The following B3GLCT variants were observed in gnomAD, a reference collection of about 807,000 sequenced individuals.
The protein encoded by B3GLCT is beta-1,3-glucosyltransferase.
B3GLCT carries 65 observed loss-of-function variants against 63.4 expected under a neutral mutation model. The ratio of observed to expected loss-of-function variants is 1.03; its 90% CI spans 0.84 to 1.26. The LOEUF (loss-of-function observed/expected upper bound fraction) is 1.26, where lower values mean the gene tolerates loss of function less well. B3GLCT is among the 50% of genes most tolerant of loss of function. The pLI, the probability that B3GLCT is intolerant of heterozygous loss-of-function variation, is 0.00. For synonymous variants in B3GLCT, 233 were observed against 219.2 expected, an observed-to-expected ratio of 1.06 and a Z score of -0.55; for missense variants, 577 against 604.8, an observed-to-expected ratio of 0.95 and a Z score of 0.48.
rs972239204 is a variant in B3GLCT, at chr13:31,327,757, T to C, written c.1330-1744T>C. ...AAACTTTCCCAACTCTGTTAGACTG[T>C]ATTCCAGTGTGTATTTTTTGTCTGT... On this transcript the variant is annotated intron_variant, in intron 14 of 14. Transcript: ENST00000343307. Among the ~76,000 whole-genome samples, 14 of 152,400 alleles carry C rather than the reference T, an allele frequency of 9.2e-5. 1 individual carries two copies. The highest frequency in any genetic ancestry group is 2.9e-4 in the African/African-American group (12 of 41,604).
At chr13:31,246,398 T>C (rs1200196057) in intron 4 of B3GLCT, among the ~76,000 whole-genome samples, 3 of 152,236 alleles carry the variant, frequency 2.0e-5, no homozygotes, top group Non-Finnish European at 4.4e-5. Flanking sequence ...TTCTGAATTT[T>C]AGTTCCTCCT....
At chr13:31,299,948 A>G (rs890028837) in intron 12 of B3GLCT, among the ~76,000 whole-genome samples, 1 of 152,186 alleles carries the variant, frequency 6.6e-6, no homozygotes, top group Non-Finnish European at 1.5e-5. Flanking sequence ...GTAAAATCCT[A>G]AACACAAGTG....
At chr13:31,253,722 C>A (rs1368745698) in intron 6 of B3GLCT, among the ~76,000 whole-genome samples, 1 of 149,342 alleles carries the variant, frequency 6.7e-6, no homozygotes. Context: ...AAAAACCCTT[C>A]AAAAAAAATC....
chr13:31,289,458 A>T (rs2137885721), intron 12 of B3GLCT, among the ~76,000 whole-genome samples: 1 of 152,312 alleles, frequency 6.6e-6, no homozygotes, highest in East Asian at 1.9e-4. Context: ...TTCACATGGC[A>T]TATTATATTC....
intron 3 of B3GLCT, among the ~76,000 whole-genome samples, chr13:31,227,522 T>C (rs1271319429): frequency 6.6e-6 from 1 of 152,222 alleles, no homozygotes; most frequent in Admixed American, 6.5e-5. Flanking sequence ...GAGAAGCTGG[T>C]TTAAAATAGA....
chr13:31,243,876 A>C (rs1441565145), intron 4 of B3GLCT, among the ~76,000 whole-genome samples: 2 of 152,226 alleles, frequency 1.3e-5, no homozygotes, highest in Non-Finnish European at 2.9e-5. Context: ...GAAAGTTTAA[A>C]TTACTGCAAG....
chr13:31,226,283 A>G (rs750309521), intron 3 of B3GLCT, among the ~76,000 whole-genome samples: 2 of 152,230 alleles, frequency 1.3e-5, no homozygotes, highest in Non-Finnish European at 1.5e-5. Context: ...TCGTTCTTGT[A>G]TCACAGAGCC....
rs1478988254 is a variant in B3GLCT at position 31,200,145 on chromosome 13, T to G, written c.61T>G (p.Cys21Gly). 8 of 1,355,648 alleles carry G rather than the reference T, an allele frequency of 5.9e-6. No homozygotes were observed. The highest frequency in any genetic ancestry group is 7.7e-6 in the Non-Finnish European group (8 of 1,043,734). The allele number at this position is 1,355,648 out of a possible 1,614,324, so 84.0% of individuals were successfully genotyped here. ...GCCGGCGCTGCTCGCGCTCCTCACC[T>G]GCTCCCTGGGTAAGTAGCGGGCGGC... is the stretch of plus-strand genomic sequence containing the variant. ...APPALLALLT[C>G]SLAFGLASED... The change falls in exon 1 of 15, where the codon TGC becomes GGC. Residue 21 changes from cysteine to glycine, a missense_variant. Coordinates refer to ENST00000343307, the MANE Select transcript of B3GLCT (RefSeq NM_194318.4).
intron 1 of B3GLCT, among the ~76,000 whole-genome samples, chr13:31,213,616 ACCCCACCCCCCCC>A (rs1869395414): frequency 1.8e-5 from 1 of 56,838 alleles, no homozygotes; most frequent in Non-Finnish European, 3.1e-5. Flanking sequence ...ACACCCCCCC[ACCCCACCCCCCCC>A]CCCCGCCAAA....
chr13:31,231,845 C>T (rs1870395674), intron 4 of B3GLCT, among the ~76,000 whole-genome samples: 1 of 152,140 alleles, frequency 6.6e-6, no homozygotes, highest in Non-Finnish European at 1.5e-5. Context: ...TTTGAGAGGC[C>T]CTGGGGCTCC....
intron 12 of B3GLCT, among the ~76,000 whole-genome samples, chr13:31,315,813 C>T (rs928176587): frequency 2.6e-5 from 4 of 152,226 alleles, no homozygotes; most frequent in African/African-American, 4.8e-5. Flanking sequence ...AAAGTGGTTT[C>T]GTGGGCCTGG....
At chr13:31,292,824 T>C (rs1873748040) in intron 12 of B3GLCT, among the ~76,000 whole-genome samples, 1 of 152,102 alleles carries the variant, frequency 6.6e-6, no homozygotes, top group Non-Finnish European at 1.5e-5. Context: ...TCTGCTCTGA[T>C]CTTAGTTATT....
In B3GLCT at chr13:31,302,301, A is replaced by G. The variant is rs886615488; in HGVS notation, c.1065-15265A>G. Among the ~76,000 whole-genome samples, 9 of 152,338 alleles carry G rather than the reference A, an allele frequency of 5.9e-5. No individual in the cohort carries two copies. The South Asian group carries it at 1.9e-3, about 32-fold the overall frequency. ...TCAGTGGGTGAATATCCCAGTTATC[A>G]TAAAGCTAGTCCCGGGGAGGAGCCA... On this transcript the variant is annotated intron_variant, in intron 12 of 14. Transcript: ENST00000343307.
chr13:31,222,797 G>A (rs534495042), intron 2 of B3GLCT, among the ~76,000 whole-genome samples, 155 bp from the exon 3 acceptor site: 7 of 152,272 alleles, frequency 4.6e-5, no homozygotes, highest in African/African-American at 1.4e-4. Context: ...CTTAGGTTTC[G>A]GTCTCATTTC....
rs1244283418 is a variant in B3GLCT at position 31,200,006 on chromosome 13, G to GGCGGCA, written c.-73_-68dup. The GGCGGCA allele has an allele frequency of 2.3e-6, 2 of 865,668 alleles. No homozygotes were observed. The highest frequency in any genetic ancestry group is 4.3e-5 in the East Asian group (1 of 23,420). 53.6% of individuals were successfully genotyped at this position (865,668 alleles called of 1,614,324 possible). A position where few individuals can be genotyped will look rare whatever the true frequency, so the allele number is the denominator to read the frequency against. ...GGGTCAGCCGCGGCGGCAGGGCGGC[G>GGCGGCA]GCGGCAGCGGCGCAGCTCCGCTCCC... On this transcript the variant is annotated 5_prime_UTR_variant, in exon 1 of 15. Transcript: ENST00000343307.
At chr13:31,246,951 C>CTTTTTTTT (rs66466340) in intron 4 of B3GLCT, 72 bp from the exon 5 acceptor site, 6 of 779,674 alleles carry the variant, frequency 7.7e-6, no homozygotes, top group South Asian at 3.6e-5. Context: ...CTTTTCTTTT[C>CTTTTTTTT]TTTTTTTTTT....
Position 31,269,284 on chromosome 13 carries a change from C to T in B3GLCT, c.660+7C>T, listed in dbSNP as rs1363665936. On this transcript the variant is annotated splice_region_variant and intron_variant, in intron 8 of 14. Coordinates refer to ENST00000343307, the MANE Select transcript of B3GLCT (RefSeq NM_194318.4). The stretch of plus-strand genomic sequence containing the variant: ...AATAGATTTAAAACATGAGGTATGT[C>T]ATGTTTTGTTTGATTAAAAATCTTA... The T allele has an allele frequency of 1.9e-6, 3 of 1,587,004 alleles. No homozygotes were observed. The highest frequency in any genetic ancestry group is 2.2e-5 in the South Asian group (2 of 90,268).
chr13:31,247,509 G>A (rs773882333), intron 5 of B3GLCT, among the ~76,000 whole-genome samples: 5 of 152,200 alleles, frequency 3.3e-5, no homozygotes, highest in African/African-American at 7.2e-5. Context: ...TGTTGACCTT[G>A]TGATCCGTCT....
intron 12 of B3GLCT, among the ~76,000 whole-genome samples, chr13:31,288,396 C>G (rs558675803): frequency 6.6e-6 from 1 of 152,310 alleles, no homozygotes; most frequent in South Asian, 2.1e-4. Flanking sequence ...GCCCACTGCT[C>G]TCATTACTAG....
Sources: allele counts gnomAD v4.1 joint callset (sites outside exome capture counted in the v4.1 genomes callset), GRCh38; gene constraint gnomAD v4.1.1; transcripts MANE v1.5; gene names NCBI Gene and HGNC (gene_info 2026-07-23, HGNC 2026-07-21).